ARHGAP10: variants seen among roughly 807,000 people sequenced by gnomAD.
ARHGAP10 encodes the protein Rho GTPase activating protein 10, also known as rho GTPase-activating protein 10.
ARHGAP10 carries 87 observed loss-of-function variants against 108.6 expected under a neutral mutation model. The observed-to-expected ratio is 0.80, with a 90% CI of 0.67 to 0.96. The LOEUF is 0.96. ARHGAP10 is among the 40% of genes least tolerant of loss of function. The probability of loss-of-function intolerance (pLI) is 0.00; values close to 1 mark genes in which losing one functional copy is unlikely to be tolerated. For missense variants in ARHGAP10, 939 were observed against 954.5 expected (o/e 0.98, Z 0.21); for synonymous variants, 347 against 341.1 (o/e 1.02, Z -0.19).
chr4:147,773,233 T>C (rs1730144900), intron 1 of ARHGAP10, among the ~76,000 whole-genome samples: 1 of 152,222 alleles, frequency 6.6e-6, no homozygotes, highest in South Asian at 2.1e-4. Context: ...TTACTTTCAT[T>C]AATGTACATA....
intron 16 of ARHGAP10, among the ~76,000 whole-genome samples, chr4:147,964,435 G>A (rs1251228057): frequency 6.6e-6 from 1 of 152,130 alleles, no homozygotes; most frequent in Non-Finnish European, 1.5e-5. Flanking sequence ...TGCACAACAT[G>A]CCATGCCTTC....
chr4:147,838,536 C>G (rs892789762), intron 3 of ARHGAP10, among the ~76,000 whole-genome samples: 1 of 65,478 alleles, frequency 1.5e-5, no homozygotes, highest in African/African-American at 2.7e-5. Flanking sequence ...TCCATGATTT[C>G]TCTTCCTCCT....
At chr4:148,002,817 A>T (rs1740780828) in intron 18 of ARHGAP10, among the ~76,000 whole-genome samples, 1 of 152,074 alleles carries the variant, frequency 6.6e-6, no homozygotes, top group Non-Finnish European at 1.5e-5. Flanking sequence ...CTTCTTTATT[A>T]GTCTTGCTAG....
intron 1 of ARHGAP10, among the ~76,000 whole-genome samples, chr4:147,784,718 TAATATATTATAAAATATATATTATA>T (rs1560756639): frequency 3.4e-5 from 2 of 59,120 alleles, no homozygotes; most frequent in Non-Finnish European, 6.4e-5. Flanking sequence ...ATTATAAATA[TAATATATTATAAAATATATATTATA>T]AATATATATT....
chr4:147,781,294 A>C (rs1730521462), intron 1 of ARHGAP10, among the ~76,000 whole-genome samples: 1 of 152,144 alleles, frequency 6.6e-6, no homozygotes, highest in African/African-American at 2.4e-5. Flanking sequence ...CAGTGAGCTA[A>C]GATTGTGCCA....
At chr4:147,997,539 AAGAC>A (rs1452069792) in intron 18 of ARHGAP10, among the ~76,000 whole-genome samples, 4 of 152,226 alleles carry the variant, frequency 2.6e-5, no homozygotes, top group East Asian at 3.8e-4. Flanking sequence ...TGAAAGGAGA[AAGAC>A]AGATGAGAAG....
rs1728234930 is a variant in ARHGAP10 at position 147,732,153 on chromosome 4, G to C, written c.-149G>C. The C allele has an allele frequency of 6.1e-6, 4 of 660,414 alleles. No homozygotes were observed. Among genetic ancestry groups the C allele is most frequent in the South Asian group, 3.7e-5 (1 of 27,176 alleles). The allele number at this position is 660,414 out of a possible 1,614,324, so 40.9% of individuals were successfully genotyped here. On this transcript the variant is annotated 5_prime_UTR_variant, in exon 1 of 23. Transcript: ENST00000336498. ...CGCGCCGCAGGACTCGGCTCTACGG[G>C]ACATGTCCGTGCCGCGCTCGCCGCG...
At chr4:147,772,656 T>G (rs1418278261) in intron 1 of ARHGAP10, among the ~76,000 whole-genome samples, 1 of 152,268 alleles carries the variant, frequency 6.6e-6, no homozygotes, top group Non-Finnish European at 1.5e-5. Context: ...TTTAAAATCC[T>G]AGGGTATAAA....
At chr4:147,933,614 T>C (rs768019223) in intron 13 of ARHGAP10, among the ~76,000 whole-genome samples, 42 of 152,194 alleles carry the variant, frequency 2.8e-4, no homozygotes, top group Admixed American at 1.4e-3. Flanking sequence ...GACTCAGAAG[T>C]TGACGTGGCT....
chr4:147,778,990 G>A (rs973936246), intron 1 of ARHGAP10, among the ~76,000 whole-genome samples: 5 of 152,178 alleles, frequency 3.3e-5, no homozygotes, highest in Admixed American at 1.3e-4. Context: ...AAATCATGAC[G>A]TGGGAATAGC....
chr4:148,023,130 G>T, intron 18 of ARHGAP10, 133 bp from the exon 19 acceptor site: 1 of 914,796 alleles, frequency 1.1e-6, no homozygotes, highest in Admixed American at 2.8e-5. Flanking sequence ...CCCTTCATTG[G>T]AAGGAATGGA....
chr4:147,916,097 A>G (rs1457631401), intron 13 of ARHGAP10, among the ~76,000 whole-genome samples: 1 of 152,232 alleles, frequency 6.6e-6, no homozygotes, highest in Non-Finnish European at 1.5e-5. Context: ...GGTAAATAGC[A>G]TTAATAACTA....
rs550037031 is a variant in ARHGAP10 at position 147,800,998 on chromosome 4, G to A, written c.155-21729G>A. ...TTTTTGTATATTTAGTAGAGACAGC[G>A]TTTCGCCATGTTGGCCAGGCTGGTC... is the stretch of plus-strand genomic sequence containing the variant. On this transcript the variant is annotated intron_variant, in intron 1 of 22. Transcript: ENST00000336498. Among the ~76,000 whole-genome samples the A allele has an allele frequency of 1.4e-4, 21 of 152,282 alleles. No homozygotes were observed. The East Asian group carries it at 1.9e-3, about 14-fold the overall frequency.
At chr4:147,914,454 C>T (rs1194270241) in intron 13 of ARHGAP10, among the ~76,000 whole-genome samples, 6 of 151,880 alleles carry the variant, frequency 4.0e-5, no homozygotes, top group Admixed American at 3.9e-4. Flanking sequence ...AATTCCTGGG[C>T]TCAAGTGATC....
intron 1 of ARHGAP10, among the ~76,000 whole-genome samples, chr4:147,761,506 A>G (rs1415661274): frequency 2.0e-5 from 3 of 152,114 alleles, no homozygotes; most frequent in Non-Finnish European, 2.9e-5. Context: ...CTGAAGCATT[A>G]TTTTAGTGGT....
intron 1 of ARHGAP10, among the ~76,000 whole-genome samples, chr4:147,747,948 A>ACTTTAGGGAGATGCTATGGTTT (rs1729002242): frequency 6.6e-6 from 1 of 152,112 alleles, no homozygotes; most frequent in African/African-American, 2.4e-5. Flanking sequence ...TTTGGTTGTT[A>ACTTTAGGGAGATGCTATGGTTT]CTTTAGGGAG....
chr4:147,922,322 A>G (rs1294604839), intron 13 of ARHGAP10, among the ~76,000 whole-genome samples: 1 of 152,034 alleles, frequency 6.6e-6, no homozygotes, highest in African/African-American at 2.4e-5. Context: ...ATCAGGGTTA[A>G]GTTCCAAAGT....
At chr4:147,962,073 T>C (rs1739021003) in intron 16 of ARHGAP10, among the ~76,000 whole-genome samples, 3 of 152,236 alleles carry the variant, frequency 2.0e-5, no homozygotes. Flanking sequence ...AGCCTCCTAC[T>C]GTTTCCAGCT....
At position 147,866,770 on chromosome 4, in the gene ARHGAP10, A is replaced by G. The variant is rs1734582618; in HGVS notation, c.656A>G (p.Lys219Arg). ...TFYHQGHELA[K>R]DFNHYKMELQ... ...TATCATCAGGGCCATGAACTTGCCA[A>G]AGACTTCAATCACTACAAAATGGAA... The change falls in exon 7 of 23, where the codon AAA becomes AGA. Residue 219 changes from lysine to arginine, a missense_variant. Transcript: ENST00000336498. 1.2e-6 allele frequency: 2 copies of G among 1,614,028 alleles called. No homozygotes were observed. The highest frequency in any genetic ancestry group is 1.7e-6 in the Non-Finnish European group (2 of 1,179,900).
Sources: allele counts gnomAD v4.1 joint callset (sites outside exome capture counted in the v4.1 genomes callset), GRCh38; gene constraint gnomAD v4.1.1; transcripts MANE v1.5; gene names NCBI Gene and HGNC (gene_info 2026-07-23, HGNC 2026-07-21).